The following PDE8A variants were observed in gnomAD, a reference collection of about 807,000 sequenced individuals.
The protein encoded by PDE8A is phosphodiesterase 8A, also known as high affinity cAMP-specific and IBMX-insensitive 3',5'-cyclic phosphodiesterase 8A.
A neutral mutation model predicts 105.0 loss-of-function variants in PDE8A; 59 were observed. The ratio of observed to expected loss-of-function variants is 0.56; its 90% CI spans 0.46 to 0.70. The LOEUF is 0.70. Ranked by LOEUF, PDE8A falls within the 30% of genes least tolerant of loss-of-function variation. The pLI is 0.00. For missense variants in PDE8A, 1,014 were observed against 1,045.9 expected, an observed-to-expected ratio of 0.97 and a Z score of 0.42; for synonymous variants, 355 against 371.9, an observed-to-expected ratio of 0.95 and a Z score of 0.52.
chr15:85,009,247 A>G (rs2080202227), intron 1 of PDE8A, among the ~76,000 whole-genome samples: 1 of 152,160 alleles, frequency 6.6e-6, no homozygotes, highest in African/African-American at 2.4e-5. Context: ...TGACCTATGG[A>G]GACAATTTTA....
intron 19 of PDE8A, among the ~76,000 whole-genome samples, chr15:85,123,694 T>C (rs2082217519): frequency 6.6e-6 from 1 of 152,204 alleles, no homozygotes; most frequent in African/African-American, 2.4e-5. Context: ...GGCAACACTC[T>C]CACAGAAACA....
At chr15:85,054,850 T>C (rs1390020528) in intron 1 of PDE8A, among the ~76,000 whole-genome samples, 1 of 152,246 alleles carries the variant, frequency 6.6e-6, no homozygotes, top group African/African-American at 2.4e-5. Context: ...TGCCTTCTGC[T>C]AGCTTTTGAA....
chr15:85,072,082 C>A (rs1175183143), intron 3 of PDE8A, among the ~76,000 whole-genome samples: 1 of 152,156 alleles, frequency 6.6e-6, no homozygotes, highest in Admixed American at 6.5e-5. Context: ...AATGCAGAAG[C>A]AAGATTGAAC....
intron 1 of PDE8A, among the ~76,000 whole-genome samples, chr15:85,013,123 G>T (rs1361854356): frequency 2.0e-4 from 31 of 152,184 alleles, no homozygotes; most frequent in Admixed American, 1.6e-3. Context: ...CCCTGCATTT[G>T]TTGGTGAGAA....
At chr15:84,984,944 C>A (rs2079778442) in intron 1 of PDE8A, among the ~76,000 whole-genome samples, 1 of 151,748 alleles carries the variant, frequency 6.6e-6, no homozygotes, top group Admixed American at 6.6e-5. Context: ...ATCCAAAACA[C>A]TTCTGGTCTC....
At chr15:85,136,725 G>T in intron 21 of PDE8A, 62 bp downstream of exon 21, 1 of 1,498,460 alleles carries the variant, frequency 6.7e-7, no homozygotes, top group South Asian at 1.2e-5. Context: ...GCGTATGAAA[G>T]AGCAGAGTGC....
chr15:85,023,520 A>G (rs2080463073), intron 1 of PDE8A, among the ~76,000 whole-genome samples: 1 of 152,160 alleles, frequency 6.6e-6, no homozygotes, highest in Non-Finnish European at 1.5e-5. Context: ...TCTATACAGA[A>G]CTGGGGAGGT....
intron 20 of PDE8A, among the ~76,000 whole-genome samples, chr15:85,131,236 A>G (rs2082326150): frequency 6.6e-6 from 1 of 152,162 alleles, no homozygotes; most frequent in Non-Finnish European, 1.5e-5. Flanking sequence ...TTTCTTATCC[A>G]TTCTGACAGT....
At chr15:85,049,463 G>C (rs1441287392) in intron 1 of PDE8A, among the ~76,000 whole-genome samples, 1 of 152,150 alleles carries the variant, frequency 6.6e-6, no homozygotes, top group Non-Finnish European at 1.5e-5. Flanking sequence ...TTTTGTGACT[G>C]GCTTATTTCA....
intron 3 of PDE8A, among the ~76,000 whole-genome samples, chr15:85,069,847 TG>T (rs2081285896): frequency 1.3e-5 from 2 of 152,200 alleles, no homozygotes; most frequent in African/African-American, 4.8e-5. Flanking sequence ...TCCATCTTGT[TG>T]GGTGAGGATT....
intron 3 of PDE8A, among the ~76,000 whole-genome samples, chr15:85,069,112 A>G (rs1669190951): frequency 6.6e-6 from 1 of 152,250 alleles, no homozygotes; most frequent in African/African-American, 2.4e-5. Flanking sequence ...AATGAAAAAA[A>G]GTAATGTTAC....
At chr15:85,106,287 T>G (rs1332931249) in intron 11 of PDE8A, among the ~76,000 whole-genome samples, 1 of 151,990 alleles carries the variant, frequency 6.6e-6, no homozygotes, top group South Asian at 2.1e-4. Flanking sequence ...CCCACTCCCT[T>G]GAGAATCTGC....
At chr15:85,115,732 C>T (rs937912211) in intron 15 of PDE8A, 1 of 538,814 alleles carries the variant, frequency 1.9e-6, no homozygotes, top group South Asian at 2.4e-5. Context: ...CCAGCCTGGC[C>T]AACATGGCAA....
chr15:85,119,871 G>C (rs1177950542), intron 17 of PDE8A, among the ~76,000 whole-genome samples: 1 of 152,038 alleles, frequency 6.6e-6, no homozygotes, highest in Non-Finnish European at 1.5e-5. Flanking sequence ...CAATTATATA[G>C]TTAAAGGTTT....
At chr15:85,113,338 G>A (rs2082046641) in intron 12 of PDE8A, 39 bp from the exon 13 acceptor site, 7 of 1,572,400 alleles carry the variant, frequency 4.5e-6, no homozygotes, top group Non-Finnish European at 4.4e-6. Flanking sequence ...GGTGCCCAGA[G>A]TTGTGCATGC....
At chr15:85,045,730 AGT>A (rs1323794008) in intron 1 of PDE8A, among the ~76,000 whole-genome samples, 3 of 152,124 alleles carry the variant, frequency 2.0e-5, no homozygotes, top group African/African-American at 7.2e-5. Context: ...GTGGTCCACA[AGT>A]GTCTGGATTT....
At chr15:84,993,718 TA>T (rs201067737) in intron 1 of PDE8A, among the ~76,000 whole-genome samples, 10 of 147,174 alleles carry the variant, frequency 6.8e-5, no homozygotes, top group East Asian at 2.0e-4. Context: ...CCATTCTCTA[TA>T]AAAAAAAATA....
chr15:85,059,420 G>C (rs1313246248), intron 1 of PDE8A, among the ~76,000 whole-genome samples: 1 of 152,128 alleles, frequency 6.6e-6, no homozygotes, highest in Non-Finnish European at 1.5e-5. Flanking sequence ...TTATTGAGAG[G>C]GGGGTGTTGA....
chr15:85,100,346 T>C, intron 11 of PDE8A, 148 bp downstream of exon 11: 1 of 691,876 alleles, frequency 1.4e-6, no homozygotes. Context: ...CAGGCTGGCT[T>C]ATGAGTCACT....
Sources: gnomAD v4.1 joint callset for allele counts (sites outside exome capture counted in the v4.1 genomes callset) on GRCh38, gnomAD v4.1.1 for gene constraint, MANE v1.5 for transcripts, NCBI Gene and HGNC (gene_info 2026-07-23, HGNC 2026-07-21) for gene names.